The following FNIP2 variants were observed in gnomAD, a reference collection of about 807,000 sequenced individuals.
The protein encoded by FNIP2 is folliculin-interacting protein 2.
FNIP2 carries 32 observed loss-of-function variants against 108.7 expected under a neutral mutation model. The ratio of observed to expected loss-of-function variants is 0.29; its 90% CI spans 0.22 to 0.40. The LOEUF is 0.40. Among genes scored for constraint, FNIP2 ranks in the 10% least tolerant of loss-of-function variants. The pLI is 1.00. For synonymous variants in FNIP2, 480 were observed against 496.7 expected, an observed-to-expected ratio of 0.97 and a Z score of 0.45; for missense variants, 1,202 against 1,381.6, an observed-to-expected ratio of 0.87 and a Z score of 2.06.
chr4:158,862,722 A>G (rs1780363646), intron 12 of FNIP2, among the ~76,000 whole-genome samples: 1 of 152,228 alleles, frequency 6.6e-6, no homozygotes, highest in South Asian at 2.1e-4. Flanking sequence ...ATTACTCAGA[A>G]CATGCCTAAC....
chr4:158,826,770 G>A lies in FNIP2; in HGVS notation c.234+728G>A, dbSNP rs375306144. Among the ~76,000 whole-genome samples the A allele has an allele frequency of 8.5e-5, 13 of 152,270 alleles. No individual in the cohort carries two copies. In the East Asian group the frequency reaches 2.5e-3, roughly 29 times the overall value. Reference sequence around the variant, plus strand: ...TCCTTTCTGGGTCTTTTTTGGATATGATACCAGGGTACTTGTAAATTCACT... The same window carrying A: ...TCCTTTCTGGGTCTTTTTTGGATATAATACCAGGGTACTTGTAAATTCACT... On this transcript the variant is annotated intron_variant, in intron 2 of 16. Transcript: ENST00000264433.
At chr4:158,834,325 T>TCTCTCTCTCTCC (rs1390704315) in intron 6 of FNIP2, 2 of 149,800 alleles carry the variant, frequency 1.3e-5, no homozygotes, top group Admixed American at 6.6e-5. Context: ...TCTCTCTCTC[T>TCTCTCTCTCTCC]CTCTCCCTCT....
In FNIP2 at chr4:158,904,826, T is replaced by TAAAC. The variant is rs931319516; in HGVS notation, c.*284_*287dup. The TAAAC allele has an allele frequency of 5.0e-5, 19 of 383,130 alleles. No individual in the cohort carries two copies. The highest frequency in any genetic ancestry group is 8.8e-5 in the Non-Finnish European group (18 of 205,582). The allele number at this position is 383,130 out of a possible 1,614,324, so 23.7% of individuals were successfully genotyped here. ...TTTTGGTAGGAGGAAACATAAGCAC[T>TAAAC]AAACACTAAGCTGTTGCAACAGATT... On this transcript the variant is annotated 3_prime_UTR_variant, in exon 17 of 17. Transcript: ENST00000264433.
In FNIP2 at chr4:158,893,725, AG is replaced by A; in HGVS notation, c.3151-2024del. 3 of 1,572,096 alleles carry A rather than the reference AG, an allele frequency of 1.9e-6. No homozygotes were observed. In the African/African-American group the frequency reaches 4.0e-5, roughly 21 times the overall value. On this transcript the variant is annotated intron_variant, in intron 15 of 16. Coordinates refer to ENST00000264433, the MANE Select transcript of FNIP2 (RefSeq NM_020840.3). ...AGGTTAATGTTTCCTTTTCTGTAAGAGAAGTAATGTATATTAGACTTCATAG... is the reference window on the plus strand; with the variant it reads ...AGGTTAATGTTTCCTTTTCTGTAAGAAAGTAATGTATATTAGACTTCATAG...
At chr4:158,780,407 C>T (rs1776003631) in intron 1 of FNIP2, among the ~76,000 whole-genome samples, 1 of 152,060 alleles carries the variant, frequency 6.6e-6, no homozygotes, top group Non-Finnish European at 1.5e-5. Flanking sequence ...TAAGGGAGCC[C>T]ATTCTAACAT....
intron 1 of FNIP2, chr4:158,806,108 C>T (rs527515609): frequency 8.5e-5 from 94 of 1,105,292 alleles, no homozygotes; most frequent in Non-Finnish European, 9.3e-5. Context: ...TTCTCACATA[C>T]TGTATAGGGA....
chr4:158,900,241 G>A (rs895229387), intron 16 of FNIP2, among the ~76,000 whole-genome samples: 4 of 152,178 alleles, frequency 2.6e-5, no homozygotes, highest in African/African-American at 4.8e-5. Flanking sequence ...TGCATTTGCC[G>A]AGGAGTGTTT....
chr4:158,814,107 T>A (rs1050176172), intron 1 of FNIP2, among the ~76,000 whole-genome samples: 1 of 152,212 alleles, frequency 6.6e-6, no homozygotes, highest in African/African-American at 2.4e-5. Context: ...CTCCTCCTTC[T>A]TCTTTTAAGA....
intron 7 of FNIP2, among the ~76,000 whole-genome samples, chr4:158,840,024 C>T (rs1220750468): frequency 6.6e-6 from 1 of 152,020 alleles, no homozygotes; most frequent in Non-Finnish European, 1.5e-5. Context: ...TCTAGTGGTT[C>T]CCATTAGAAA....
At chr4:158,854,559 A>C (rs941996866) in intron 8 of FNIP2, among the ~76,000 whole-genome samples, 3 of 152,256 alleles carry the variant, frequency 2.0e-5, no homozygotes, top group African/African-American at 2.4e-5. Flanking sequence ...CATAAGGGTC[A>C]TGGCTCCTGT....
intron 16 of FNIP2, 134 bp downstream of exon 16, chr4:158,895,999 T>A (rs1169917705): frequency 4.7e-6 from 3 of 634,708 alleles, no homozygotes; most frequent in Non-Finnish European, 8.5e-6. Context: ...GTCCATCAGA[T>A]ACGTGCCTCT....
chr4:158,897,016 GCCCCGGTGTGTGATGTTCC>G (rs1782754592), intron 16 of FNIP2, among the ~76,000 whole-genome samples: 1 of 151,732 alleles, frequency 6.6e-6, no homozygotes, highest in African/African-American at 2.4e-5. Context: ...CGCCAAATAG[GCCCCGGTGTGTGATGTTCC>G]CCTTCCTGTG....
At chr4:158,901,122 G>C (rs958466395) in intron 16 of FNIP2, among the ~76,000 whole-genome samples, 1 of 142,708 alleles carries the variant, frequency 7.0e-6, no homozygotes, top group Non-Finnish European at 1.5e-5. Context: ...GAAATTCTGG[G>C]TTGAAATTTT....
chr4:158,837,108 A>G (rs926379823), intron 7 of FNIP2, among the ~76,000 whole-genome samples: 1 of 152,166 alleles, frequency 6.6e-6, no homozygotes, highest in Admixed American at 6.5e-5. Context: ...CCAGCCCCTG[A>G]CAGGACTGGC....
rs1315857316 is a variant in FNIP2, at chr4:158,868,554, G to A, written c.1918G>A (p.Ala640Thr). The A allele has an allele frequency of 3.7e-6, 6 of 1,613,552 alleles. No individual in the cohort carries two copies. The highest frequency in any genetic ancestry group is 1.6e-4 in the Middle Eastern group (1 of 6,062). ...AGGGTGCCTGGGGCCAGCATCAGAC[G>A]CTTCCTGGAAACCTCAGAATGCATT... ...SAGCLGPASD[A>T]SWKPQNAFCG... The change falls in exon 13 of 17, where the codon GCT (alanine) becomes ACT (threonine). Residue 640 changes from alanine to threonine, a missense_variant. Transcript: ENST00000264433. The surrounding 1 kb of genome is among the most constrained non-coding windows in gnomAD (Gnocchi z 4.6).
At chr4:158,810,791 G>C (rs1009653955) in intron 1 of FNIP2, among the ~76,000 whole-genome samples, 2 of 152,188 alleles carry the variant, frequency 1.3e-5, no homozygotes, top group African/African-American at 4.8e-5. Flanking sequence ...CAGAAGATGA[G>C]GTTAATCCAG....
rs576775712 is a variant in FNIP2 at position 158,788,467 on chromosome 4, C to T, written c.107+19148C>T. Reference sequence around the variant, plus strand: ...GCTATAATCTTATGTGTTTAACCTCCACTTTTCTTTCTTTTTGTGATGATC... The same window carrying T: ...GCTATAATCTTATGTGTTTAACCTCTACTTTTCTTTCTTTTTGTGATGATC... On this transcript the variant is annotated intron_variant, in intron 1 of 16. Coordinates refer to ENST00000264433, the MANE Select transcript of FNIP2 (RefSeq NM_020840.3). 9.8e-5 allele frequency among the ~76,000 whole-genome samples: 15 copies of T among 152,328 alleles called. No individual in the cohort carries two copies. The South Asian group carries it at 3.1e-3, about 32-fold the overall frequency.
intron 8 of FNIP2, among the ~76,000 whole-genome samples, chr4:158,855,647 C>G (rs2126664046): frequency 6.6e-6 from 1 of 152,270 alleles, no homozygotes; most frequent in South Asian, 2.1e-4. Context: ...GGAGTTTCAC[C>G]ATGTTGGCCA....
chr4:158,903,028 G>A (rs1040002391), intron 16 of FNIP2, among the ~76,000 whole-genome samples: 6 of 152,122 alleles, frequency 3.9e-5, no homozygotes, highest in Non-Finnish European at 5.9e-5. Flanking sequence ...GTGCCACTGA[G>A]GTATGGAAAA....
Sources: gnomAD v4.1 joint callset for allele counts (sites outside exome capture counted in the v4.1 genomes callset) on GRCh38, gnomAD v4.1.1 for gene constraint, Gnocchi (gnomAD v3.1) non-coding constraint, MANE v1.5 for transcripts, NCBI Gene and HGNC (gene_info 2026-07-23, HGNC 2026-07-21) for gene names.